The following AXIN1 variants were observed in gnomAD, a reference collection of about 807,000 sequenced individuals.
AXIN1 encodes the protein axin-1.
Under a neutral mutation model 76.4 loss-of-function variants are expected in AXIN1, and 30 were observed. The ratio of observed to expected loss-of-function variants is 0.39; its 90% CI spans 0.29 to 0.53. The LOEUF is 0.53. Among genes scored for constraint, AXIN1 ranks in the 20% least tolerant of loss-of-function variants. The probability of loss-of-function intolerance (pLI) is 0.66; values close to 1 mark genes in which losing one functional copy is unlikely to be tolerated. For missense variants in AXIN1, 1,140 were observed against 1,198.8 expected, an observed-to-expected ratio of 0.95 and a Z score of 0.72; for synonymous variants, 545 against 501.4, an observed-to-expected ratio of 1.09 and a Z score of -1.16.
intron 2 of AXIN1, among the ~76,000 whole-genome samples, chr16:330,012 C>A (rs1205311997): frequency 6.6e-6 from 1 of 151,770 alleles, no homozygotes; most frequent in African/African-American, 2.4e-5. Context: ...GTGATCCTCC[C>A]GCCTCGACCT....
intron 2 of AXIN1, among the ~76,000 whole-genome samples, chr16:323,121 T>TGAAA (rs970073524): frequency 1.4e-4 from 21 of 151,466 alleles, no homozygotes; most frequent in African/African-American, 4.1e-4. Flanking sequence ...GACCCTGTCT[T>TGAAA]GAAAGAAAGA....
At chr16:338,483 T>A (rs937375864) in intron 2 of AXIN1, among the ~76,000 whole-genome samples, 2 of 152,220 alleles carry the variant, frequency 1.3e-5, no homozygotes, top group African/African-American at 4.8e-5. Flanking sequence ...CAAAGGGGCC[T>A]CTCGGTTCCA....
intron 1 of AXIN1, among the ~76,000 whole-genome samples, chr16:351,757 T>C (rs918855686): frequency 2.0e-5 from 3 of 151,674 alleles, no homozygotes; most frequent in African/African-American, 7.3e-5. Flanking sequence ...AATATATATA[T>C]ATATATCTTA....
In AXIN1 at chr16:342,505, C is replaced by T. The variant is rs8060374; in HGVS notation, c.878+3643G>A. Among the ~76,000 whole-genome samples the T allele has an allele frequency of 2.0e-3, 306 of 152,156 alleles. 1 individual carries two copies. The highest frequency in any genetic ancestry group is 8.8e-4 in the Non-Finnish European group (60 of 67,978). On this transcript the variant is annotated intron_variant, in intron 2 of 10. Coordinates refer to ENST00000262320, the MANE Select transcript of AXIN1 (RefSeq NM_003502.4). ...CAGCCGCCTGTTCAGTACCCACTCT[C>T]CTTTTCCCTTTGCATTACCCGCAGC...
Position 297,732 on chromosome 16 carries a change from G to C in AXIN1, c.1774C>G (p.Leu592Val). ...CAGGCGCACGCTCACCTGTGGGCGAGGCCATCACTGGCGTTGGGGGCAGCG... is the reference window on the plus strand; with the variant it reads ...CAGGCGCACGCTCACCTGTGGGCGACGCCATCACTGGCGTTGGGGGCAGCG... ...VGAAPNASDGLAHSGKVGVAC... is the reference protein window; with the variant it reads ...VGAAPNASDGVAHSGKVGVAC... The change falls in exon 6 of 11, where the codon CTC becomes GTC. Residue 592 changes from leucine (L) to valine (V), a missense_variant. Coordinates refer to ENST00000262320, the MANE Select transcript of AXIN1 (RefSeq NM_003502.4). 1 of 1,598,188 alleles carries C rather than the reference G, an allele frequency of 6.3e-7. No homozygotes were observed. The highest frequency in any genetic ancestry group is 8.5e-7 in the Non-Finnish European group (1 of 1,174,772).
intron 2 of AXIN1, among the ~76,000 whole-genome samples, chr16:318,456 A>C (rs1318558991): frequency 1.3e-5 from 2 of 152,172 alleles, no homozygotes; most frequent in African/African-American, 4.8e-5. Context: ...AATCCCAGAC[A>C]ACTGCCCTGG....
At chr16:333,484 AAAG>A (rs1377640257) in intron 2 of AXIN1, among the ~76,000 whole-genome samples, 1 of 151,990 alleles carries the variant, frequency 6.6e-6, no homozygotes, top group African/African-American at 2.4e-5. Flanking sequence ...CTCCAGAATT[AAAG>A]GACAAGTTTC....
chr16:306,031 G>A (rs1291827250), intron 4 of AXIN1, among the ~76,000 whole-genome samples: 1 of 152,046 alleles, frequency 6.6e-6, no homozygotes, highest in Admixed American at 6.6e-5. Flanking sequence ...AATAGAACAA[G>A]GAATTCCCGT....
At chr16:307,087 A>C (rs2053047852) in intron 4 of AXIN1, among the ~76,000 whole-genome samples, 1 of 152,370 alleles carries the variant, frequency 6.6e-6, no homozygotes, top group South Asian at 2.1e-4. Flanking sequence ...CCAGCACTGC[A>C]GGGACCACGG....
chr16:318,622 T>C (rs141064314), intron 2 of AXIN1, among the ~76,000 whole-genome samples: 2 of 152,302 alleles, frequency 1.3e-5, no homozygotes, highest in East Asian at 3.9e-4. Flanking sequence ...TCCCCCCATA[T>C]AGCTGGGATC....
intron 2 of AXIN1, among the ~76,000 whole-genome samples, chr16:345,485 C>T (rs999047539): frequency 6.6e-6 from 1 of 152,346 alleles, no homozygotes; most frequent in Admixed American, 6.5e-5. Context: ...GAGGCCGAGG[C>T]AGGCAGATCA....
chr16:291,789 C>T lies in AXIN1; in HGVS notation c.2187-492G>A, dbSNP rs554857571. The T allele has an allele frequency of 4.1e-4, 107 of 257,968 alleles. 2 individuals are homozygous for T. In the South Asian group the frequency reaches 4.2e-3, roughly 10 times the overall value. 16.0% of individuals were successfully genotyped at this position (257,968 alleles called of 1,614,324 possible). A position where few individuals can be genotyped will look rare whatever the true frequency, so the allele number is the denominator to read the frequency against. On this transcript the variant is annotated intron_variant, in intron 8 of 10. Transcript: ENST00000262320. ...AGCACAGCAGCTCCTCTCACGTGGA[C>T]ACCTCCACCGGGGTACACTGGGCGA...
At position 297,829 on chromosome 16, in the gene AXIN1, C is replaced by G. The variant is rs149536239; in HGVS notation, c.1677G>C (p.Gln559His). ...QVEAEATRRA[Q>H]SSFAWGLEPH... ...GTTCCAGGCCCCAGGCGAAGCTGCT[C>G]TGGGCCCTGCGGGTGGCCTCGGCCT... The change falls in exon 6 of 11, where the codon CAG becomes CAC. Residue 559 changes from glutamine to histidine, a missense_variant. Transcript: ENST00000262320. The G allele has an allele frequency of 6.3e-7, 1 of 1,575,144 alleles. No individual in the cohort carries two copies.
intron 2 of AXIN1, among the ~76,000 whole-genome samples, chr16:323,776 CCACACA>C (rs10673343): frequency 6.7e-5 from 10 of 148,294 alleles, no homozygotes; most frequent in African/African-American, 2.0e-4. Flanking sequence ...TGAGACTCCA[CCACACA>C]CACACACACA....
intron 2 of AXIN1, among the ~76,000 whole-genome samples, chr16:320,723 G>GTGTA (rs1555482102): frequency 3.3e-5 from 4 of 120,140 alleles, no homozygotes; most frequent in Non-Finnish European, 5.0e-5. Flanking sequence ...GCGTGTGTGT[G>GTGTA]TATATATATA....
Position 297,119 on chromosome 16 carries a change from T to A in AXIN1, c.1892A>T (p.Lys631Ile). ...GASEDAEKNQ[K>I]IMQWIIEGEK... ...CCCCTCAATGATCCACTGCATGATT[T>A]TCTGGTTCTTCTCCGCATCCTCCGA... is the stretch of plus-strand genomic sequence containing the variant. The change falls in exon 7 of 11, where the codon AAA becomes ATA. Residue 631 changes from lysine to isoleucine, a missense_variant. Around this residue, in one of 3 missense-constraint regions of AXIN1, gnomAD observed 429 missense variants for 405.8 expected, o/e 1.06. Transcript: ENST00000262320. 1 of 1,612,828 alleles carries A rather than the reference T, an allele frequency of 6.2e-7. No individual in the cohort carries two copies.
Position 293,821 on chromosome 16 carries a change from G to A in AXIN1, c.1956-103C>T, listed in dbSNP as rs529441314. 3 of 1,157,414 alleles carry A rather than the reference G, an allele frequency of 2.6e-6. No homozygotes were observed. Among genetic ancestry groups the A allele is most frequent in the South Asian group, 2.4e-5 (2 of 81,790 alleles). The allele number at this position is 1,157,414 out of a possible 1,614,324, so 71.7% of individuals were successfully genotyped here. A position where few individuals can be genotyped will look rare whatever the true frequency, so the allele number is the denominator to read the frequency against. On this transcript the variant is annotated intron_variant, in intron 7 of 10. Transcript: ENST00000262320. The surrounding 1 kb of genome is among the most constrained non-coding windows in gnomAD (Gnocchi z 4.6). ...CAAGGGCAGCCTCCTTGAGGGATAG[G>A]ATGGGATGGGGCACTGGGGCCTGGC...
chr16:332,607 A>C (rs2053716897), intron 2 of AXIN1, among the ~76,000 whole-genome samples: 1 of 149,836 alleles, frequency 6.7e-6, no homozygotes, highest in South Asian at 2.1e-4. Context: ...AAAAAATTAC[A>C]CTTAACATCT....
At position 297,882 on chromosome 16, in the gene AXIN1, TGTGGTGGAC is replaced by T. The variant is rs2052758445; in HGVS notation, c.1615_1623del (p.Val539_His541del). On this transcript the variant is annotated inframe_deletion, in exon 6 of 11. Transcript: ENST00000262320. Reference sequence around the variant, plus strand: ...ACCTGCTCCTTGGGCCGGGCTGTGCTGTGGTGGACGTGGTGGTGGACGTGTCGGTGGTGG... The same window carrying T: ...ACCTGCTCCTTGGGCCGGGCTGTGCTGTGGTGGTGGACGTGTCGGTGGTGG... 1.3e-6 allele frequency: 2 copies of T among 1,589,430 alleles called. No individual in the cohort carries two copies. Among genetic ancestry groups the T allele is most frequent in the Admixed American group, 1.7e-5 (1 of 59,210 alleles).
Sources: allele counts gnomAD v4.1 joint callset (sites outside exome capture counted in the v4.1 genomes callset), GRCh38; gene constraint gnomAD v4.1.1; regional missense constraint gnomAD v4.1.1; non-coding constraint Gnocchi (gnomAD v3.1); transcripts MANE v1.5; gene names NCBI Gene and HGNC (gene_info 2026-07-23, HGNC 2026-07-21).